The following EXOC4 variants were observed in gnomAD, a reference collection of about 807,000 sequenced individuals.
The protein encoded by EXOC4 is SEC8-like 1.
EXOC4 carries 71 observed loss-of-function variants against 107.2 expected under a neutral mutation model. The observed-to-expected ratio is 0.66, with a 90% CI of 0.55 to 0.81. EXOC4 has a LOEUF of 0.81. Among genes scored for constraint, EXOC4 ranks in the 30% least tolerant of loss-of-function variants. The pLI is 0.00. For missense variants in EXOC4, 1,108 were observed against 1,189.6 expected (o/e 0.93, Z 1.01); for synonymous variants, 456 against 441.2 (o/e 1.03, Z -0.42).
intron 3 of EXOC4, among the ~76,000 whole-genome samples, chr7:133,290,167 CTGAA>C (rs1223279587): frequency 1.3e-5 from 2 of 152,128 alleles, no homozygotes; most frequent in African/African-American, 4.8e-5. Flanking sequence ...TGTGATAAGA[CTGAA>C]TGGTCAATTT....
At chr7:133,332,238 A>G (rs2150607057) in intron 5 of EXOC4, among the ~76,000 whole-genome samples, 1 of 152,348 alleles carries the variant, frequency 6.6e-6, no homozygotes, top group African/African-American at 2.4e-5. Flanking sequence ...TAAGCAGTAA[A>G]AACCTAAAGA....
chr7:133,971,506 TAGAAG>T (rs1801237983), intron 14 of EXOC4, among the ~76,000 whole-genome samples: 1 of 151,402 alleles, frequency 6.6e-6, no homozygotes, highest in East Asian at 1.9e-4. Flanking sequence ...TTTTTTCTTA[TAGAAG>T]ATTGTCTTAC....
chr7:133,303,868 G>A (rs1794695474), intron 3 of EXOC4, among the ~76,000 whole-genome samples: 1 of 152,154 alleles, frequency 6.6e-6, no homozygotes, highest in South Asian at 2.1e-4. Flanking sequence ...TACTCTCTGA[G>A]GTTTCTTTAC....
At chr7:133,408,790 A>G (rs948676704) in intron 7 of EXOC4, among the ~76,000 whole-genome samples, 5 of 152,144 alleles carry the variant, frequency 3.3e-5, no homozygotes, top group African/African-American at 1.2e-4. Context: ...TTTCCAGTCC[A>G]CCATATGTGA....
At chr7:133,483,706 AC>A (rs954823588) in intron 9 of EXOC4, among the ~76,000 whole-genome samples, 1 of 152,232 alleles carries the variant, frequency 6.6e-6, no homozygotes, top group Non-Finnish European at 1.5e-5. Context: ...AAATCAGTGG[AC>A]CAGTTTTTGT....
At chr7:134,053,644 T>A (rs898961842) in intron 17 of EXOC4, among the ~76,000 whole-genome samples, 20 of 151,210 alleles carry the variant, frequency 1.3e-4, no homozygotes, top group African/African-American at 4.1e-4. Flanking sequence ...AAAAGAAAAT[T>A]AAAGCTCATT....
At chr7:134,084,273 G>A in the EXOC4 span, among the ~76,000 whole-genome samples, 88 of 152,250 alleles carry the variant, frequency 5.8e-4, no homozygotes, top group Non-Finnish European at 1.3e-4. Context: ...GAATATTCTC[G>A]TGAAAGTCAT....
chr7:134,076,104 C>T, the EXOC4 span, among the ~76,000 whole-genome samples: 2 of 152,106 alleles, frequency 1.3e-5, no homozygotes, highest in African/African-American at 4.8e-5. Context: ...GAAATTTTGA[C>T]TTTAAAGAGA....
At chr7:133,856,928 G>A (rs1051930167) in intron 11 of EXOC4, among the ~76,000 whole-genome samples, 152 of 150,510 alleles carry the variant, frequency 1.0e-3, no homozygotes, top group African/African-American at 3.4e-3. Flanking sequence ...GTGAAACCCC[G>A]TCTCTACTAA....
At position 133,855,042 on chromosome 7, in the gene EXOC4, T is replaced by A. The variant is rs61117698; in HGVS notation, c.1734+37498T>A. Among the ~76,000 whole-genome samples the A allele has an allele frequency of 3.2e-3, 244 of 75,554 alleles. 6 individuals are homozygous for A. Among genetic ancestry groups the A allele is most frequent in the African/African-American group, 0.015 (235 of 16,176 alleles). The allele number at this position is 75,554 out of a possible 152,430, so 49.6% of individuals were successfully genotyped here. A position where few individuals can be genotyped will look rare whatever the true frequency, so the allele number is the denominator to read the frequency against. On this transcript the variant is annotated intron_variant, in intron 11 of 17. Coordinates refer to ENST00000253861, the MANE Select transcript of EXOC4 (RefSeq NM_021807.4). ...AAGGCTATATATATATCTAAATATA[T>A]ATATATCTAAATATATCTAAATATA...
chr7:133,673,582 G>T (rs554035573), intron 10 of EXOC4, among the ~76,000 whole-genome samples: 32 of 152,250 alleles, frequency 2.1e-4, no homozygotes, highest in African/African-American at 6.0e-4. Flanking sequence ...TCTCCTGCAT[G>T]TCCCAACCTC....
chr7:133,315,390 A>G (rs1794968609), intron 4 of EXOC4: 1 of 152,238 alleles, frequency 6.6e-6, no homozygotes, highest in South Asian at 2.1e-4. Flanking sequence ...AAAGCAGCAA[A>G]CAGGACATTT....
chr7:133,527,028 G>A (rs182473501), intron 9 of EXOC4, among the ~76,000 whole-genome samples: 155 of 152,096 alleles, frequency 1.0e-3, no homozygotes, highest in African/African-American at 3.5e-3. Context: ...GGAAAAGGGG[G>A]CAAAGTTACA....
intron 10 of EXOC4, among the ~76,000 whole-genome samples, chr7:133,724,062 G>A (rs1795164687): frequency 6.6e-6 from 1 of 152,154 alleles, no homozygotes; most frequent in South Asian, 2.1e-4. Context: ...TTTAACTTAT[G>A]TGAGAGCCAA....
intron 17 of EXOC4, among the ~76,000 whole-genome samples, chr7:134,028,501 C>G (rs916040804): frequency 6.6e-6 from 1 of 152,168 alleles, no homozygotes; most frequent in Non-Finnish European, 1.5e-5. Context: ...ATGTGGGAAA[C>G]TGTTCCTGCT....
chr7:133,274,722 C>G (rs1284958549), intron 1 of EXOC4, among the ~76,000 whole-genome samples: 2 of 152,188 alleles, frequency 1.3e-5, no homozygotes, highest in African/African-American at 2.4e-5. Context: ...TGCCTGCCTG[C>G]TGTCTGATTA....
At chr7:133,504,277 A>G (rs186514797) in intron 9 of EXOC4, among the ~76,000 whole-genome samples, 6 of 152,282 alleles carry the variant, frequency 3.9e-5, no homozygotes, top group East Asian at 1.9e-4. Flanking sequence ...CAAGAGAGGC[A>G]TAGTAATTAA....
intron 11 of EXOC4, among the ~76,000 whole-genome samples, chr7:133,838,410 A>G (rs2151246016): frequency 6.6e-6 from 1 of 152,296 alleles, no homozygotes; most frequent in South Asian, 2.1e-4. Flanking sequence ...CCTAATTTGT[A>G]ATCCACTTCC....
intron 17 of EXOC4, among the ~76,000 whole-genome samples, chr7:134,046,165 T>G (rs1333749244): frequency 6.6e-6 from 1 of 152,034 alleles, no homozygotes; most frequent in Non-Finnish European, 1.5e-5. Flanking sequence ...TAACCATCAC[T>G]CCTATAAAAA....
Sources: gnomAD v4.1 joint callset for allele counts (sites outside exome capture counted in the v4.1 genomes callset) on GRCh38, gnomAD v4.1.1 for gene constraint, MANE v1.5 for transcripts, NCBI Gene and HGNC (gene_info 2026-07-23, HGNC 2026-07-21) for gene names.